CCDC30: variants seen among roughly 807,000 people sequenced by gnomAD.
CCDC30 encodes the protein coiled-coil domain-containing protein 30.
In CCDC30, 70 loss-of-function variants were observed where a neutral mutation model predicts 100.2. That is an observed-to-expected ratio of 0.70 (90% CI 0.58 to 0.85). CCDC30 has a LOEUF of 0.85. Ranked by LOEUF, CCDC30 falls within the 40% of genes least tolerant of loss-of-function variation. CCDC30 has a pLI of 0.00. For missense variants in CCDC30, 652 were observed against 771.2 expected, an observed-to-expected ratio of 0.85 and a Z score of 1.83; for synonymous variants, 233 against 269.5, an observed-to-expected ratio of 0.86 and a Z score of 1.33.
At chr1:42,470,091 A>G (rs369403914) in intron 1 of CCDC30, among the ~76,000 whole-genome samples, 34 of 152,280 alleles carry the variant, frequency 2.2e-4, no homozygotes, top group African/African-American at 8.2e-4. Context: ...GGTGGGACAA[A>G]GGGGTAAGAT....
intron 12 of CCDC30, among the ~76,000 whole-genome samples, chr1:42,642,236 C>CA (rs200832299): frequency 1.4e-3 from 200 of 145,972 alleles, no homozygotes; most frequent in East Asian, 0.011. Flanking sequence ...AACAAACAAA[C>CA]AAACAAAAAA....
intron 10 of CCDC30, among the ~76,000 whole-genome samples, chr1:42,604,730 C>G (rs1570220883): frequency 6.6e-6 from 1 of 152,126 alleles, no homozygotes; most frequent in South Asian, 2.1e-4. Flanking sequence ...GGCTACAGGT[C>G]CTCTTAGGGG....
intron 6 of CCDC30, chr1:42,537,274 T>C (rs1251397788): frequency 2.2e-6 from 1 of 455,968 alleles, no homozygotes; most frequent in Non-Finnish European, 4.4e-6. Flanking sequence ...GCCTATATTA[T>C]GAAAAGAGAC....
intron 6 of CCDC30, among the ~76,000 whole-genome samples, chr1:42,523,327 G>A (rs1366448927): frequency 6.6e-6 from 1 of 152,098 alleles, no homozygotes; most frequent in Non-Finnish European, 1.5e-5. Flanking sequence ...CTTAAATTCT[G>A]TCTCATTTCT....
intron 10 of CCDC30, among the ~76,000 whole-genome samples, chr1:42,601,753 C>G (rs369651206): frequency 2.6e-5 from 4 of 152,158 alleles, no homozygotes; most frequent in African/African-American, 7.2e-5. Context: ...AATAACTAAT[C>G]CTTCAATGTG....
At chr1:42,510,384 T>C (rs1644458260) in intron 6 of CCDC30, among the ~76,000 whole-genome samples, 1 of 152,042 alleles carries the variant, frequency 6.6e-6, no homozygotes, top group African/African-American at 2.4e-5. Context: ...GGAGGCCAGG[T>C]GTGGTGGCTC....
chr1:42,506,293 G>A (rs1353800111), intron 6 of CCDC30, among the ~76,000 whole-genome samples: 1 of 152,156 alleles, frequency 6.6e-6, no homozygotes, highest in East Asian at 1.9e-4. Flanking sequence ...CATGAATCCT[G>A]TGTGTTTTTT....
intron 11 of CCDC30, among the ~76,000 whole-genome samples, chr1:42,619,962 A>T (rs1646799599): frequency 6.6e-6 from 1 of 152,228 alleles, no homozygotes; most frequent in South Asian, 2.1e-4. Flanking sequence ...TAGTTCTTCC[A>T]TACCAGTTTA....
upstream of CCDC30, among the ~76,000 whole-genome samples, chr1:42,462,125 C>T (rs1219867508): frequency 1.4e-5 from 2 of 141,948 alleles, no homozygotes; most frequent in African/African-American, 2.7e-5. Context: ...TAAAAACAAT[C>T]AGTGTTCTAC....
chr1:42,465,943 A>G (rs1324747604), intron 1 of CCDC30, among the ~76,000 whole-genome samples: 2 of 152,160 alleles, frequency 1.3e-5, no homozygotes, highest in Non-Finnish European at 1.5e-5. Context: ...ACATTTTTAC[A>G]TAGTTATGTA....
chr1:42,567,088 A>C (rs1248929919), intron 7 of CCDC30, among the ~76,000 whole-genome samples: 2 of 152,180 alleles, frequency 1.3e-5, no homozygotes, highest in Non-Finnish European at 2.9e-5. Context: ...GCCTCTATTG[A>C]AGGTTCTAAA....
At chr1:42,459,560 A>G (rs1160774142), upstream of CCDC30, 1 of 1,518,482 alleles carries the variant, frequency 6.6e-7, no homozygotes, top group African/African-American at 1.4e-5. Flanking sequence ...CTGGTAGGTA[A>G]TGACCATTGT....
upstream of CCDC30, chr1:42,459,698 C>T (rs575586967): frequency 1.9e-4 from 308 of 1,614,146 alleles, 6 homozygotes; most frequent in South Asian, 3.0e-3. Context: ...AGACTGACCC[C>T]GCCATTGTAA....
chr1:42,494,831 G>A (rs1644204977), intron 4 of CCDC30, among the ~76,000 whole-genome samples: 1 of 102,504 alleles, frequency 9.8e-6, no homozygotes, highest in Non-Finnish European at 2.0e-5. Context: ...AGTTAGAATG[G>A]CAATCATTAA....
chr1:42,480,315 A>C (rs1263290790), intron 1 of CCDC30, 146 bp from the exon 2 acceptor site: 1 of 152,058 alleles, frequency 6.6e-6, no homozygotes, highest in Non-Finnish European at 1.5e-5. Flanking sequence ...AAAAAAATTA[A>C]TTTTCTACTA....
At chr1:42,470,365 G>A (rs1313301165) in intron 1 of CCDC30, among the ~76,000 whole-genome samples, 1 of 152,056 alleles carries the variant, frequency 6.6e-6, no homozygotes, top group Non-Finnish European at 1.5e-5. Context: ...TTGCTGGTAG[G>A]AACGTAAAAT....
rs185195416 is a variant in CCDC30 at position 42,567,553 on chromosome 1, C to T, written c.636+1078C>T. ...AAGGAAGGCCTTCTAAGGGAGTTCTCGTATTCCGGGATTATTTGAATAAAC... is the reference window on the plus strand; with the variant it reads ...AAGGAAGGCCTTCTAAGGGAGTTCTTGTATTCCGGGATTATTTGAATAAAC... On this transcript the variant is annotated intron_variant, in intron 7 of 16. Coordinates refer to ENST00000668663, the Ensembl canonical transcript of CCDC30. Among the ~76,000 whole-genome samples the T allele has an allele frequency of 1.1e-4, 17 of 152,306 alleles. No individual in the cohort carries two copies. In the East Asian group the frequency reaches 1.2e-3, roughly 10 times the overall value.
At chr1:42,646,435 G>A in intron 15 of CCDC30, 118 bp downstream of exon 19, 4 of 1,232,910 alleles carry the variant, frequency 3.2e-6, no homozygotes, top group Non-Finnish European at 4.2e-6. Flanking sequence ...AACGGAGGTA[G>A]TCAAACAGAT....
At chr1:42,651,863 C>T (rs1042436165) in intron 15 of CCDC30, among the ~76,000 whole-genome samples, 1 of 152,100 alleles carries the variant, frequency 6.6e-6, no homozygotes, top group Non-Finnish European at 1.5e-5. Context: ...GACAGAGCAA[C>T]ACCCTATCTC....
Sources: gnomAD v4.1 joint callset for allele counts (sites outside exome capture counted in the v4.1 genomes callset) on GRCh38, gnomAD v4.1.1 for gene constraint, MANE v1.5 for transcripts, NCBI Gene and HGNC (gene_info 2026-07-23, HGNC 2026-07-21) for gene names.